Variants in SRGAP3 observed in about 807,000 individuals in gnomAD.
The protein encoded by SRGAP3 is SLIT-ROBO Rho GTPase activating protein 3, also known as SLIT-ROBO Rho GTPase-activating protein 3.
Under a neutral mutation model 121.1 loss-of-function variants are expected in SRGAP3, and 39 were observed. That is an observed-to-expected ratio of 0.32 (90% confidence interval 0.25 to 0.42). The LOEUF (loss-of-function observed/expected upper bound fraction) is 0.42. Among genes scored for constraint, SRGAP3 ranks in the 10% least tolerant of loss-of-function variants. The probability of loss-of-function intolerance (pLI) is 1.00; values close to 1 mark genes in which losing one functional copy is unlikely to be tolerated. For synonymous variants in SRGAP3, 601 were observed against 570.0 expected (o/e 1.05, Z -0.77); for missense variants, 1,213 against 1,470.6 (o/e 0.82, Z 2.86).
chr3:9,292,855 G>C (rs977178660), intron 3 of SRGAP3: 1 of 152,014 alleles, frequency 6.6e-6, no homozygotes, highest in African/African-American at 2.4e-5. Context: ...CTCAGGTTGG[G>C]ACCACCTGGT....
chr3:9,172,247 C>T (rs1359927353), intron 1 of SRGAP3, among the ~76,000 whole-genome samples: 1 of 151,922 alleles, frequency 6.6e-6, no homozygotes, highest in East Asian at 1.9e-4. Context: ...GCACATGCCA[C>T]CATGCCCAGC....
intron 1 of SRGAP3, among the ~76,000 whole-genome samples, chr3:9,351,831 A>G (rs2030181851): frequency 6.6e-6 from 1 of 152,188 alleles, no homozygotes; most frequent in South Asian, 2.1e-4. Flanking sequence ...GACAAAATGG[A>G]TTCTCTGTGG....
chr3:9,025,472 C>A lies in SRGAP3; in HGVS notation c.1601-134G>T. Reference sequence around the variant, plus strand: ...CGATCCTTTATAACAGAGTCGTTCCCTATGAATGTCTCCAGAAATGGCCTT... The same window carrying A: ...CGATCCTTTATAACAGAGTCGTTCCATATGAATGTCTCCAGAAATGGCCTT... On this transcript the variant is annotated intron_variant, in intron 13 of 21. Coordinates refer to ENST00000383836, the MANE Select transcript of SRGAP3 (RefSeq NM_014850.4). 4 of 1,005,042 alleles carry A rather than the reference C, an allele frequency of 4.0e-6. No individual in the cohort carries two copies. In the South Asian group the frequency reaches 4.1e-5, roughly 10 times the overall value. The allele number at this position is 1,005,042 out of a possible 1,614,324, so 62.3% of individuals were successfully genotyped here.
At chr3:9,032,523 T>C in intron 12 of SRGAP3, 127 bp downstream of exon 12, 1 of 843,310 alleles carries the variant, frequency 1.2e-6, no homozygotes, top group Non-Finnish European at 2.0e-6. Context: ...AAGAGCAGGC[T>C]GCAGTGAGGA....
chr3:8,985,830 G>T lies in SRGAP3; in HGVS notation c.2989C>A (p.Pro997Thr). Residue 997 changes from proline to threonine, a missense_variant, in exon 22 of 22, where the codon CCC becomes ACC. Around this residue, in one of 2 missense-constraint regions of SRGAP3, gnomAD observed 420 missense variants for 437.7 expected, o/e 0.96. Coordinates refer to ENST00000383836, the MANE Select transcript of SRGAP3 (RefSeq NM_014850.4). This position sits in a 1 kb window ranked among gnomAD's most constrained non-coding sequence, Gnocchi z 5.1. ...APDVVLDTLE[P>T]LKNPPGPVSS... is the part of the protein sequence containing the mutation. Reference sequence around the variant, plus strand: ...ACGGGGCCTGGCGGGTTCTTCAGGGGCTCCAGGGTGTCCAGCACCACATCT... The same window carrying T: ...ACGGGGCCTGGCGGGTTCTTCAGGGTCTCCAGGGTGTCCAGCACCACATCT... 6.2e-7 allele frequency: 1 copy of T among 1,600,538 alleles called. No individual in the cohort carries two copies.
chr3:9,006,954 C>CTTTTTTTTTTTTTTTT (rs891322969), intron 18 of SRGAP3: 2 of 106,602 alleles, frequency 1.9e-5, no homozygotes, highest in African/African-American at 7.5e-5. Context: ...GGTATAGAAT[C>CTTTTTTTTTTTTTTTT]TTTTTTTTTT....
At chr3:9,288,580 C>CTTT (rs71049785) in intron 3 of SRGAP3, among the ~76,000 whole-genome samples, 1 of 143,374 alleles carries the variant, frequency 7.0e-6, no homozygotes, top group Non-Finnish European at 1.5e-5. Context: ...TTCACTTTGT[C>CTTT]TTTTTTTTTT....
chr3:8,980,699 C>T lies in SRGAP3; in HGVS notation c.*4820G>A, dbSNP rs1941370203. The T allele has an allele frequency of 1.3e-5, 3 of 232,340 alleles. No homozygotes were observed. Among genetic ancestry groups the T allele is most frequent in the East Asian group, 6.1e-5 (1 of 16,452 alleles). The allele number at this position is 232,340 out of a possible 1,614,324, so 14.4% of individuals were successfully genotyped here. ...CCAATCAGACACTCTATAGGACGGG[C>T]GTTTGGTCGTAAGGTAGAGAAACGA... On this transcript the variant is annotated 3_prime_UTR_variant, in exon 22 of 22. Transcript: ENST00000383836.
At chr3:9,149,109 G>A (rs556375993) in intron 1 of SRGAP3, among the ~76,000 whole-genome samples, 2 of 151,688 alleles carry the variant, frequency 1.3e-5, no homozygotes, top group Admixed American at 6.6e-5. Context: ...AGCTACTCAG[G>A]AGGCTGATGC....
chr3:9,089,824 G>C (rs983445476), intron 3 of SRGAP3, among the ~76,000 whole-genome samples: 3 of 152,186 alleles, frequency 2.0e-5, no homozygotes, highest in African/African-American at 7.2e-5. Flanking sequence ...TCAGTGATCA[G>C]ATCAGAGACA....
chr3:9,047,710 G>A (rs934461197), intron 9 of SRGAP3, among the ~76,000 whole-genome samples: 2 of 152,214 alleles, frequency 1.3e-5, no homozygotes, highest in Admixed American at 6.5e-5. Flanking sequence ...CTTTCAGGTC[G>A]GGGGTTAGGA....
intron 14 of SRGAP3, 91 bp from the exon 15 acceptor site, chr3:9,015,822 G>C: frequency 6.6e-7 from 1 of 1,523,964 alleles, no homozygotes; most frequent in South Asian, 1.1e-5. Flanking sequence ...GGTCCAGCCT[G>C]AACCACAGGA....
At chr3:9,075,579 T>TA (rs893426104) in intron 4 of SRGAP3, among the ~76,000 whole-genome samples, 19 of 152,302 alleles carry the variant, frequency 1.2e-4, no homozygotes, top group African/African-American at 3.8e-4. Context: ...TAGCCCCAGA[T>TA]AGAGACAAGC....
At position 9,010,401 on chromosome 3, in the gene SRGAP3, C is replaced by A. The variant is rs146551341; in HGVS notation, c.2148-14G>T. On this transcript the variant is annotated splice_polypyrimidine_tract_variant and intron_variant, in intron 17 of 21. Transcript: ENST00000383836. ...TGTGGGCTGTCACTGCAAGGAAACA[C>A]GGGAATGGGACTCACTGCGGGGGGT... The A allele has an allele frequency of 1.1e-5, 18 of 1,613,792 alleles. No individual in the cohort carries two copies. Among genetic ancestry groups the A allele is most frequent in the Non-Finnish European group, 1.4e-5 (17 of 1,180,012 alleles).
chr3:9,130,761 A>G (rs1949415291), intron 1 of SRGAP3, among the ~76,000 whole-genome samples: 1 of 152,266 alleles, frequency 6.6e-6, no homozygotes, highest in Admixed American at 6.5e-5. Flanking sequence ...ATGGTGATCT[A>G]AAGAGATATT....
rs1574980254 is a variant in SRGAP3 at position 9,295,991 on chromosome 3, A to G, written n.442+30019T>C. Reference sequence around the variant, plus strand: ...CAGAATTCCTTCCTTTTGAGGCTGAATAATATTCATTGTATACTTAGAGCA... The same window carrying G: ...CAGAATTCCTTCCTTTTGAGGCTGAGTAATATTCATTGTATACTTAGAGCA... On this transcript the variant is annotated intron_variant and non_coding_transcript_variant, in intron 3 of 3. Coordinates refer to the SRGAP3 transcript ENST00000490889. Among the ~76,000 whole-genome samples the G allele has an allele frequency of 2.0e-5, 3 of 152,312 alleles. No homozygotes were observed. The South Asian group carries it at 6.2e-4, about 32-fold the overall frequency.
chr3:9,148,261 G>A lies in SRGAP3; in HGVS notation c.68-23344C>T, dbSNP rs1261329100. On this transcript the variant is annotated intron_variant, in intron 1 of 21. Transcript: ENST00000383836. ...ATTTCAGGGACTGGAAGAAGAAAAC[G>A]CCCTAGAAAAACCATCAACCCCAGC... Among the ~76,000 whole-genome samples, 11 of 140,232 alleles carry A rather than the reference G, an allele frequency of 7.8e-5. No individual in the cohort carries two copies. In the East Asian group the frequency reaches 1.2e-3, roughly 16 times the overall value. The allele number at this position is 140,232 out of a possible 152,430, so 92.0% of individuals were successfully genotyped here. A position where few individuals can be genotyped will look rare whatever the true frequency, so the allele number is the denominator to read the frequency against.
chr3:9,272,987 A>G (rs1414128796), intron 3 of SRGAP3, among the ~76,000 whole-genome samples: 1 of 152,098 alleles, frequency 6.6e-6, no homozygotes. Flanking sequence ...GTAAGGTTGT[A>G]TCTTATTGCA....
intron 1 of SRGAP3, among the ~76,000 whole-genome samples, chr3:9,201,261 C>G (rs1188650595): frequency 6.6e-6 from 1 of 152,196 alleles, no homozygotes; most frequent in Non-Finnish European, 1.5e-5. Context: ...CCCCCAGCCC[C>G]CAAGACCTCA....
Sources: gnomAD v4.1 joint callset for allele counts (sites outside exome capture counted in the v4.1 genomes callset) on GRCh38, gnomAD v4.1.1 for gene constraint, gnomAD v4.1.1 regional missense constraint, Gnocchi (gnomAD v3.1) non-coding constraint, MANE v1.5 for transcripts, NCBI Gene and HGNC (gene_info 2026-07-23, HGNC 2026-07-21) for gene names.